The following TEAD1 variants were observed in gnomAD, a reference collection of about 807,000 sequenced individuals.
TEAD1 encodes the protein transcriptional enhancer factor TEF-1.
TEAD1 carries 9 observed loss-of-function variants against 54.9 expected under a neutral mutation model. The observed-to-expected ratio is 0.16, with a 90% CI of 0.10 to 0.29. The LOEUF (loss-of-function observed/expected upper bound fraction) is 0.29, where lower values mean the gene tolerates loss of function less well. TEAD1 is among the 10% of genes least tolerant of loss of function. The pLI is 1.00. For missense variants in TEAD1, 387 were observed against 535.9 expected, an observed-to-expected ratio of 0.72 and a Z score of 2.74; for synonymous variants, 200 against 187.8, an observed-to-expected ratio of 1.07 and a Z score of -0.53.
chr11:12,706,698 T>C (rs2133845692), intron 2 of TEAD1, among the ~76,000 whole-genome samples: 1 of 152,308 alleles, frequency 6.6e-6, no homozygotes, highest in African/African-American at 2.4e-5. Context: ...CTTACCTGGC[T>C]CCTTCTAGGA....
intron 3 of TEAD1, among the ~76,000 whole-genome samples, chr11:12,814,077 C>T (rs531903975): frequency 1.3e-5 from 2 of 152,306 alleles, no homozygotes; most frequent in African/African-American, 4.8e-5. Context: ...TCTCATTCCC[C>T]TTCACCTCCT....
At chr11:12,692,584 G>A (rs529036643) in intron 2 of TEAD1, among the ~76,000 whole-genome samples, 7 of 152,222 alleles carry the variant, frequency 4.6e-5, no homozygotes, top group African/African-American at 1.7e-4. Flanking sequence ...GTATTGTAGG[G>A]GTTTATTTCC....
intron 2 of TEAD1, among the ~76,000 whole-genome samples, chr11:12,761,500 G>A (rs748670963): frequency 9.9e-5 from 15 of 152,278 alleles, no homozygotes; most frequent in Non-Finnish European, 1.6e-4. Flanking sequence ...AAATACAAAC[G>A]CCTGCTTTTA....
In TEAD1 at chr11:12,862,409, C is replaced by T. The variant is rs1038062927; in HGVS notation, c.267+95C>T. 11 of 1,138,896 alleles carry T rather than the reference C, an allele frequency of 9.7e-6. No homozygotes were observed. The African/African-American group carries it at 1.4e-4, about 14-fold the overall frequency. The allele number at this position is 1,138,896 out of a possible 1,614,324, so 70.5% of individuals were successfully genotyped here. A position where few individuals can be genotyped will look rare whatever the true frequency, so the allele number is the denominator to read the frequency against. On this transcript the variant is annotated intron_variant, in intron 4 of 12. Transcript: ENST00000527636. ...TGGCTATGCTTTGGCTCCTAGGAGC[C>T]CCCAATTTGAGTTCCCTGTAAGGAC...
At chr11:12,893,205 T>C (rs1222994741) in intron 9 of TEAD1, among the ~76,000 whole-genome samples, 2 of 152,238 alleles carry the variant, frequency 1.3e-5, no homozygotes, top group Non-Finnish European at 2.9e-5. Context: ...ATCTAACGGT[T>C]GGCTCTGCTT....
At chr11:12,865,153 A>G in intron 5 of TEAD1, 1 of 540,994 alleles carries the variant, frequency 1.8e-6, no homozygotes, top group Non-Finnish European at 3.3e-6. Flanking sequence ...TAACAATGCA[A>G]ATGCAGCAGA....
At chr11:12,716,132 G>A (rs781105010) in intron 2 of TEAD1, among the ~76,000 whole-genome samples, 24 of 151,900 alleles carry the variant, frequency 1.6e-4, no homozygotes, top group Non-Finnish European at 2.6e-4. Context: ...TTTGTCTGTC[G>A]GCTTCCGGCC....
intron 3 of TEAD1, among the ~76,000 whole-genome samples, chr11:12,784,208 A>T (rs553667936): frequency 6.6e-6 from 1 of 152,146 alleles, no homozygotes; most frequent in Non-Finnish European, 1.5e-5. Context: ...GAGAAGATGA[A>T]GATTTTTCAT....
rs1943033626 is a variant in TEAD1 at position 12,674,542 on chromosome 11, C to T, written c.-500C>T. 1 of 150,936 alleles carries T rather than the reference C, an allele frequency of 6.6e-6. No individual in the cohort carries two copies. The highest frequency in any genetic ancestry group is 2.0e-4 in the South Asian group (1 of 4,940). The allele number at this position is 150,936 out of a possible 1,614,324, so 9.3% of individuals were successfully genotyped here. A position where few individuals can be genotyped will look rare whatever the true frequency, so the allele number is the denominator to read the frequency against. On this transcript the variant is annotated 5_prime_UTR_variant, in exon 1 of 13. Coordinates refer to ENST00000527636, the MANE Select transcript of TEAD1 (RefSeq NM_021961.6). ...GCGCCCACCAAGCACTTTGCAGACT[C>T]GCTTCCACCCTGCGGGCCATTCCGC...
rs555716451 is a variant in TEAD1 at position 12,842,397 on chromosome 11, G to A, written c.203-19853G>A. 5.6e-3 allele frequency among the ~76,000 whole-genome samples: 856 copies of A among 152,294 alleles called. 7 individuals are homozygous for A. The highest frequency in any genetic ancestry group is 8.3e-3 in the Non-Finnish European group (566 of 68,024). On this transcript the variant is annotated intron_variant, in intron 3 of 12. Transcript: ENST00000527636. ...AGTTGAGATTTGAGGAGAAATCTTT[G>A]GCAGTTGTGCACTAAGCTTGCGGGA...
intron 2 of TEAD1, among the ~76,000 whole-genome samples, chr11:12,705,760 T>C (rs140077710): frequency 4.2e-4 from 64 of 152,348 alleles, no homozygotes; most frequent in African/African-American, 1.4e-3. Context: ...TATATTACCA[T>C]GTTGTCTTTT....
At chr11:12,727,798 T>G (rs1944343965) in intron 2 of TEAD1, among the ~76,000 whole-genome samples, 1 of 152,200 alleles carries the variant, frequency 6.6e-6, no homozygotes, top group South Asian at 2.1e-4. Context: ...ACTCTAGGAA[T>G]TCCCTCACCC....
intron 3 of TEAD1, among the ~76,000 whole-genome samples, chr11:12,774,163 T>C (rs1308586731): frequency 6.6e-6 from 1 of 152,086 alleles, no homozygotes; most frequent in Non-Finnish European, 1.5e-5. Flanking sequence ...GAGGCTCTGG[T>C]CATGCATGGG....
intron 2 of TEAD1, among the ~76,000 whole-genome samples, chr11:12,682,150 C>G (rs1250651649): frequency 2.0e-5 from 3 of 152,182 alleles, no homozygotes; most frequent in Non-Finnish European, 4.4e-5. Flanking sequence ...TTAAATTTGG[C>G]CACTTCAAAT....
At chr11:12,722,685 G>A (rs141687875) in intron 2 of TEAD1, among the ~76,000 whole-genome samples, 413 of 138,848 alleles carry the variant, frequency 3.0e-3, no homozygotes, top group African/African-American at 0.01. Context: ...CACTATAACC[G>A]CAAAAAAGAC....
At chr11:12,697,455 G>A (rs1036312119) in intron 2 of TEAD1, among the ~76,000 whole-genome samples, 2 of 152,122 alleles carry the variant, frequency 1.3e-5, no homozygotes, top group Non-Finnish European at 2.9e-5. Context: ...TGAGACTTGA[G>A]AATTTTAGAT....
chr11:12,716,497 G>T (rs1944065544), intron 2 of TEAD1, among the ~76,000 whole-genome samples: 1 of 152,154 alleles, frequency 6.6e-6, no homozygotes, highest in Non-Finnish European at 1.5e-5. Context: ...AGATTTTTGA[G>T]GTCTCATTTT....
chr11:12,877,016 T>C (rs997978470), intron 5 of TEAD1, among the ~76,000 whole-genome samples: 2 of 152,198 alleles, frequency 1.3e-5, no homozygotes, highest in Non-Finnish European at 2.9e-5. Flanking sequence ...TTTGCCCTCT[T>C]TCTGGCATCC....
intron 2 of TEAD1, among the ~76,000 whole-genome samples, chr11:12,708,907 T>C (rs1049079411): frequency 2.0e-5 from 3 of 152,216 alleles, no homozygotes; most frequent in Non-Finnish European, 2.9e-5. Flanking sequence ...TATGTAAAGG[T>C]TTATATGCAT....
Sources: allele counts gnomAD v4.1 joint callset (sites outside exome capture counted in the v4.1 genomes callset), GRCh38; gene constraint gnomAD v4.1.1; transcripts MANE v1.5; gene names NCBI Gene and HGNC (gene_info 2026-07-23, HGNC 2026-07-21).